The following DNAJC1 variants were observed in gnomAD, a reference collection of about 807,000 sequenced individuals.
DNAJC1 encodes the protein DnaJ heat shock protein family (Hsp40) member C1.
A neutral mutation model predicts 76.6 loss-of-function variants in DNAJC1; 58 were observed. The ratio of observed to expected loss-of-function variants is 0.76; its 90% CI spans 0.61 to 0.94. The LOEUF is 0.94. DNAJC1 is among the 40% of genes least tolerant of loss of function. DNAJC1 has a pLI of 0.00. For synonymous variants in DNAJC1, 258 were observed against 267.9 expected, an observed-to-expected ratio of 0.96 and a Z score of 0.36; for missense variants, 689 against 677.3, an observed-to-expected ratio of 1.02 and a Z score of -0.19.
intron 1 of DNAJC1, among the ~76,000 whole-genome samples, chr10:21,981,792 G>C (rs555055146): frequency 6.6e-6 from 1 of 152,196 alleles, no homozygotes; most frequent in African/African-American, 2.4e-5. Context: ...CTCTAGTCAG[G>C]CTCCTCTAAA....
intron 8 of DNAJC1, among the ~76,000 whole-genome samples, chr10:21,825,399 T>C (rs1835231687): frequency 6.6e-6 from 1 of 152,202 alleles, no homozygotes; most frequent in East Asian, 1.9e-4. Flanking sequence ...TAACGTTCCG[T>C]TGTATGTATA....
Position 21,759,340 on chromosome 10 carries a change from G to C in DNAJC1, c.1426C>G (p.Gln476Glu), listed in dbSNP as rs1283480330. The change falls in exon 11 of 12, where the codon CAA becomes GAA. Residue 476 changes from glutamine to glutamate, a missense_variant. Gln to Glu is a conservative substitution (Grantham distance 29). Transcript: ENST00000376980. ...KRQKDFDIAE[Q>E]NESSDEESLR... ...CTCTCCTCGTCGCTGGACTCGTTTT[G>C]TTCTGCTATGTCAAAGTCCTTCTGC... 1.2e-6 allele frequency: 2 copies of C among 1,614,212 alleles called. No homozygotes were observed. The highest frequency in any genetic ancestry group is 1.7e-6 in the Non-Finnish European group (2 of 1,180,036).
intron 8 of DNAJC1, among the ~76,000 whole-genome samples, chr10:21,866,829 C>G (rs1836009174): frequency 6.6e-6 from 1 of 151,994 alleles, no homozygotes; most frequent in Non-Finnish European, 1.5e-5. Context: ...TGTTCTATTA[C>G]AAAACAATTA....
At chr10:21,882,764 A>C (rs1422453094) in intron 7 of DNAJC1, among the ~76,000 whole-genome samples, 2 of 152,216 alleles carry the variant, frequency 1.3e-5, no homozygotes, top group African/African-American at 4.8e-5. Flanking sequence ...TAACTTTACC[A>C]TGTAATAAGT....
chr10:21,995,571 C>T (rs942886241), intron 1 of DNAJC1, among the ~76,000 whole-genome samples: 2 of 152,152 alleles, frequency 1.3e-5, no homozygotes, highest in African/African-American at 4.8e-5. Context: ...AGATTATTAG[C>T]TTTAATATTA....
At position 21,829,861 on chromosome 10, in the gene DNAJC1, T is replaced by C. The variant is rs563594228; in HGVS notation, c.979-23762A>G. ...ACCATGTGCTTTCTTTTATTCTTTC[T>C]CTTTTCATATGTTCTTTCAGACTGG... On this transcript the variant is annotated intron_variant, in intron 8 of 11. Transcript: ENST00000376980. 4.2e-4 allele frequency among the ~76,000 whole-genome samples: 64 copies of C among 152,366 alleles called. 1 individual carries two copies. Among genetic ancestry groups the C allele is most frequent in the African/African-American group, 1.5e-3 (63 of 41,594 alleles).
intron 6 of DNAJC1, 45 bp downstream of exon 6, chr10:21,918,734 T>A: frequency 7.0e-7 from 1 of 1,419,916 alleles, no homozygotes; most frequent in South Asian, 1.2e-5. Context: ...TCATGAGTGA[T>A]TAAAAATAAA....
intron 8 of DNAJC1, among the ~76,000 whole-genome samples, chr10:21,871,895 A>G (rs1836110699): frequency 6.6e-6 from 1 of 151,856 alleles, no homozygotes; most frequent in Non-Finnish European, 1.5e-5. Context: ...TCAGCTTCCC[A>G]AAGTGCTGAG....
intron 1 of DNAJC1, among the ~76,000 whole-genome samples, chr10:21,971,016 T>G (rs1389199852): frequency 1.3e-5 from 2 of 151,944 alleles, no homozygotes; most frequent in East Asian, 3.8e-4. Flanking sequence ...TCAAGCTAAT[T>G]AATACATCAA....
chr10:21,960,087 T>C (rs1259278950), intron 1 of DNAJC1, among the ~76,000 whole-genome samples: 2 of 152,204 alleles, frequency 1.3e-5, no homozygotes, highest in African/African-American at 2.4e-5. Flanking sequence ...CTTCAGCCCC[T>C]GCCTGGCACC....
chr10:21,774,016 C>CTGTA (rs1233975366), intron 9 of DNAJC1, among the ~76,000 whole-genome samples: 31 of 149,484 alleles, frequency 2.1e-4, no homozygotes, highest in Non-Finnish European at 4.2e-4. Context: ...TGGCGGGCGC[C>CTGTA]TGTAGTCCCA....
In DNAJC1 at chr10:21,920,778, GATTT is replaced by G; in HGVS notation, c.537+16_537+19del. 6.3e-7 allele frequency: 1 copy of G among 1,578,370 alleles called. No homozygotes were observed. The highest frequency in any genetic ancestry group is 8.6e-7 in the Non-Finnish European group (1 of 1,161,252). ...TAAAATTAAGGAGGCTAGTTCATTT[GATTT>G]ATTACTAACACTTACCAGTTGTTTT... On this transcript the variant is annotated intron_variant, in intron 4 of 11. Coordinates refer to ENST00000376980, the MANE Select transcript of DNAJC1 (RefSeq NM_022365.4).
At chr10:21,919,348 C>T (rs1311419699) in intron 5 of DNAJC1, among the ~76,000 whole-genome samples, 1 of 151,982 alleles carries the variant, frequency 6.6e-6, no homozygotes, top group Non-Finnish European at 1.5e-5. Flanking sequence ...TCACTGATGT[C>T]ATCAGAATAG....
At chr10:21,873,262 C>T (rs1044023033) in intron 8 of DNAJC1, among the ~76,000 whole-genome samples, 8 of 152,184 alleles carry the variant, frequency 5.3e-5, no homozygotes, top group African/African-American at 1.9e-4. Context: ...CCTTCTACAA[C>T]TTGGTGTCTG....
chr10:21,991,888 A>G (rs1838331189), intron 1 of DNAJC1, among the ~76,000 whole-genome samples: 1 of 152,252 alleles, frequency 6.6e-6, no homozygotes, highest in South Asian at 2.1e-4. Context: ...GCCTTATGAA[A>G]TCTCAATACA....
At chr10:21,970,139 C>T (rs1195511919) in intron 1 of DNAJC1, among the ~76,000 whole-genome samples, 1 of 151,968 alleles carries the variant, frequency 6.6e-6, no homozygotes, top group Non-Finnish European at 1.5e-5. Context: ...GTTTTCTTGA[C>T]TGGAAAAAAT....
chr10:21,985,151 T>A (rs568169507), intron 1 of DNAJC1, among the ~76,000 whole-genome samples: 7 of 151,970 alleles, frequency 4.6e-5, no homozygotes, highest in Non-Finnish European at 1.0e-4. Flanking sequence ...TGTGCAACCA[T>A]CACCAAAATC....
rs1490062835 is a variant in DNAJC1 at position 21,875,864 on chromosome 10, G to GAAAA, written c.978+6417_978+6418insTTTT. On this transcript the variant is annotated intron_variant, in intron 8 of 11. Transcript: ENST00000376980. ...CACTTGAACCTGGGAGGCGGAGGTT[G>GAAAA]CAGCGAGGTGAGATCATGCTGTTGC... Among the ~76,000 whole-genome samples, 58 of 152,290 alleles carry GAAAA rather than the reference G, an allele frequency of 3.8e-4. 1 individual carries two copies. The highest frequency in any genetic ancestry group is 1.3e-3 in the African/African-American group (55 of 41,556).
chr10:21,882,208 G>GT (rs1256094088), intron 8 of DNAJC1, 74 bp downstream of exon 8: 2 of 1,358,222 alleles, frequency 1.5e-6, no homozygotes, highest in Admixed American at 5.3e-5. Context: ...GCACTATATC[G>GT]TGAGCTAACC....
Sources: allele counts gnomAD v4.1 joint callset (sites outside exome capture counted in the v4.1 genomes callset), GRCh38; gene constraint gnomAD v4.1.1; transcripts MANE v1.5; gene names NCBI Gene and HGNC (gene_info 2026-07-23, HGNC 2026-07-21).